SEC13: variants seen among roughly 807,000 people sequenced by gnomAD.
The protein encoded by SEC13 is protein SEC13 homolog.
SEC13 carries 25 observed loss-of-function variants against 49.2 expected under a neutral mutation model. The ratio of observed to expected loss-of-function variants is 0.51; its 90% confidence interval spans 0.37 to 0.71. SEC13 has a LOEUF of 0.71. Among genes scored for constraint, SEC13 ranks in the 30% least tolerant of loss-of-function variants. The pLI, the probability that SEC13 is intolerant of heterozygous loss-of-function variation, is 0.00. For missense variants in SEC13, 383 were observed against 417.6 expected (o/e 0.92, Z 0.72); for synonymous variants, 148 against 163.9 (o/e 0.90, Z 0.74).
chr3:10,319,059 C>G, intron 1 of SEC13: 1 of 1,318,178 alleles, frequency 7.6e-7, no homozygotes, highest in African/African-American at 1.5e-5. Flanking sequence ...TTTTTCTTTG[C>G]TCAACCACTC....
At chr3:10,302,642 G>T (rs548103395) in intron 8 of SEC13, among the ~76,000 whole-genome samples, 1 of 152,206 alleles carries the variant, frequency 6.6e-6, no homozygotes, top group Admixed American at 6.5e-5. Context: ...GGCTTTGAGA[G>T]GGGGCCTGCT....
rs1574856351 is a variant in SEC13 at position 10,301,251 on chromosome 3, A to C, written c.*10T>G. 3 of 1,614,052 alleles carry C rather than the reference A, an allele frequency of 1.9e-6. No homozygotes were observed. The highest frequency in any genetic ancestry group is 2.5e-6 in the Non-Finnish European group (3 of 1,180,000). ...GCTGGCGGGTGGGGAGCCAGGCCCC[A>C]CCTGTCTTGTCACTGCTCGTTCTGC... On this transcript the variant is annotated 3_prime_UTR_variant, in exon 9 of 9. Transcript: ENST00000350697.
chr3:10,314,435 C>T (rs1241510934), intron 3 of SEC13, among the ~76,000 whole-genome samples: 3 of 152,190 alleles, frequency 2.0e-5, no homozygotes, highest in Non-Finnish European at 2.9e-5. Context: ...GCTAAGTAAC[C>T]GTGATGTGTG....
chr3:10,318,152 C>G lies in SEC13; in HGVS notation c.4-58G>C, dbSNP rs1701721997. On this transcript the variant is annotated intron_variant, in intron 1 of 8. Coordinates refer to ENST00000350697, the MANE Select transcript of SEC13 (RefSeq NM_183352.3). ...CATGGCAGTTAGAATACAACCATCT[C>G]AAGTTCTTGACTGCATTTGTTTGTT... The G allele has an allele frequency of 2.5e-6, 3 of 1,184,112 alleles. No homozygotes were observed. In the Admixed American group the frequency reaches 5.1e-5, roughly 20 times the overall value. 73.4% of individuals were successfully genotyped at this position (1,184,112 alleles called of 1,614,324 possible). A position where few individuals can be genotyped will look rare whatever the true frequency, so the allele number is the denominator to read the frequency against.
intron 2 of SEC13, among the ~76,000 whole-genome samples, chr3:10,317,001 C>CAAAAAAAAAA (rs35597823): frequency 2.7e-5 from 2 of 74,892 alleles, no homozygotes; most frequent in Non-Finnish European, 3.1e-5. Context: ...AACTCCATCT[C>CAAAAAAAAAA]AAAAAAAAAA....
intron 3 of SEC13, chr3:10,313,919 A>G (rs1352937600): frequency 2.0e-5 from 3 of 153,714 alleles, no homozygotes; most frequent in Non-Finnish European, 1.4e-5. Flanking sequence ...GGGAGCTTCT[A>G]GGCCCATTTC....
At chr3:10,311,845 T>C (rs994382289) in intron 5 of SEC13, 120 bp downstream of exon 5, 3 of 1,591,044 alleles carry the variant, frequency 1.9e-6, no homozygotes, top group Non-Finnish European at 2.6e-6. Context: ...TCTGGTCAGC[T>C]GACCACTCCC....
chr3:10,319,295 C>T, intron 1 of SEC13: 1 of 1,592,988 alleles, frequency 6.3e-7, no homozygotes, highest in Admixed American at 1.8e-5. Flanking sequence ...TCTAGACTCT[C>T]TAAAAACCAG....
chr3:10,305,834 A>G lies in SEC13; in HGVS notation c.451-142T>C, dbSNP rs577795658. On this transcript the variant is annotated intron_variant, in intron 5 of 8. Coordinates refer to ENST00000350697, the MANE Select transcript of SEC13 (RefSeq NM_183352.3). ...ACATGAAGCACTCATCATGGGGTCC[A>G]CTGCTCAGAATTCTCCCTCAAGGAT... The G allele has an allele frequency of 5.3e-5, 42 of 795,188 alleles. No individual in the cohort carries two copies. In the African/African-American group the frequency reaches 6.7e-4, roughly 13 times the overall value. 49.3% of individuals were successfully genotyped at this position (795,188 alleles called of 1,614,324 possible). A position where few individuals can be genotyped will look rare whatever the true frequency, so the allele number is the denominator to read the frequency against.
chr3:10,307,719 A>G (rs550460971), intron 5 of SEC13, among the ~76,000 whole-genome samples: 2 of 152,270 alleles, frequency 1.3e-5, no homozygotes, highest in East Asian at 3.9e-4. Flanking sequence ...TGGGCATTCA[A>G]AATGAGATTT....
chr3:10,312,301 A>G (rs767289592), intron 4 of SEC13, among the ~76,000 whole-genome samples: 3 of 152,232 alleles, frequency 2.0e-5, no homozygotes, highest in African/African-American at 4.8e-5. Context: ...CAGTCTATCT[A>G]ACAAAAAAGT....
Position 10,315,406 on chromosome 3 carries a change from G to A in SEC13, c.79C>T (p.Arg27Cys), listed in dbSNP as rs764846632. The change falls in exon 3 of 9, where the codon CGC becomes TGC. Residue 27 changes from arginine to cysteine, a missense_variant. Arg to Cys is a radical substitution (Grantham distance 180). Transcript: ENST00000350697. ...HDAQMDYYGTRLATCSSDRSV... is the reference protein window; with the variant it reads ...HDAQMDYYGTCLATCSSDRSV... ...CTGTCTGATGAGCAGGTTGCCAGGC[G>A]GGTGCCATAGTAGTCCATCTGGGCG... 5 of 1,521,764 alleles carry A rather than the reference G, an allele frequency of 3.3e-6. No homozygotes were observed. Among genetic ancestry groups the A allele is most frequent in the African/African-American group, 1.4e-5 (1 of 70,918 alleles). 94.3% of individuals were successfully genotyped at this position (1,521,764 alleles called of 1,614,324 possible).
intron 1 of SEC13, chr3:10,320,761 T>C (rs2059761764): frequency 7.6e-7 from 1 of 1,317,144 alleles, no homozygotes; most frequent in Non-Finnish European, 9.6e-7. Context: ...GTAGCTCCTC[T>C]GCTGTTCCTC....
intron 4 of SEC13, 101 bp downstream of exon 4, chr3:10,312,478 A>C (rs1435409537): frequency 7.1e-7 from 1 of 1,408,070 alleles, no homozygotes; most frequent in African/African-American, 1.4e-5. Flanking sequence ...AGAGACAGAC[A>C]AGAGGCACCA....
intron 3 of SEC13, chr3:10,315,077 G>T: frequency 2.3e-6 from 1 of 427,134 alleles, no homozygotes; most frequent in Non-Finnish European, 4.3e-6. Flanking sequence ...AGGTCTTCTG[G>T]TGGGTACACA....
chr3:10,304,039 C>T lies in SEC13; in HGVS notation c.842G>A (p.Gly281Asp), dbSNP rs753470648. 2 of 1,614,114 alleles carry T rather than the reference C, an allele frequency of 1.2e-6. No homozygotes were observed. The highest frequency in any genetic ancestry group is 1.7e-4 in the Middle Eastern group (1 of 6,060). ...ATGGGTATGTACCTTATTGTCTCCA[C>T]CAGAGACAGCCAGGATGTTGGCTGT... The part of the protein sequence containing the change: ...SITANILAVS[G>D]GDNKVTLWKE... The change falls in exon 8 of 9, where the codon GGT becomes GAT. Residue 281 changes from glycine (G) to aspartate (D), a missense_variant. Coordinates refer to ENST00000350697, the MANE Select transcript of SEC13 (RefSeq NM_183352.3).
Position 10,318,039 on chromosome 3 carries a change from T to C in SEC13, c.48+11A>G. ...CCACACCCCTCCAGGGAGGGTGATA[T>C]TAATACTTACAATCATGTCCTCATG... On this transcript the variant is annotated intron_variant, in intron 2 of 8. Transcript: ENST00000350697. 1 of 1,590,682 alleles carries C rather than the reference T, an allele frequency of 6.3e-7. No homozygotes were observed. The highest frequency in any genetic ancestry group is 8.6e-7 in the Non-Finnish European group (1 of 1,159,212).
chr3:10,302,405 G>A (rs1700592694), intron 8 of SEC13, among the ~76,000 whole-genome samples: 1 of 152,156 alleles, frequency 6.6e-6, no homozygotes, highest in South Asian at 2.1e-4. Flanking sequence ...AGTCCTTTAG[G>A]TAAGGGTGCT....
At chr3:10,316,617 T>C (rs897500633) in intron 2 of SEC13, among the ~76,000 whole-genome samples, 2 of 152,246 alleles carry the variant, frequency 1.3e-5, no homozygotes, top group African/African-American at 4.8e-5. Context: ...TTCAGTTTCC[T>C]TATCTTTATT....
Sources: gnomAD v4.1 joint callset for allele counts (sites outside exome capture counted in the v4.1 genomes callset) on GRCh38, gnomAD v4.1.1 for gene constraint, MANE v1.5 for transcripts, NCBI Gene and HGNC (gene_info 2026-07-23, HGNC 2026-07-21) for gene names.